SORCS1: variants seen among roughly 807,000 people sequenced by gnomAD.
SORCS1 encodes sortilin related VPS10 domain containing receptor 1.
In SORCS1, 60 loss-of-function variants were observed where a neutral mutation model predicts 146.1. That is an observed-to-expected ratio of 0.41 (90% CI 0.33 to 0.51). The LOEUF is 0.51. Among genes scored for constraint, SORCS1 ranks in the 20% least tolerant of loss-of-function variants. The pLI, the probability that SORCS1 is intolerant of heterozygous loss-of-function variation, is 0.21. For synonymous variants in SORCS1, 637 were observed against 584.0 expected (o/e 1.09, Z -1.31); for missense variants, 1,352 against 1,487.6 (o/e 0.91, Z 1.50).
At chr10:107,173,813 C>A in the SORCS1 span, among the ~76,000 whole-genome samples, 1 of 152,198 alleles carries the variant, frequency 6.6e-6, no homozygotes, top group South Asian at 2.1e-4. Context: ...CTTTTCCTAT[C>A]ATATTGCCAT....
chr10:106,655,531 TC>T (rs1258256275), intron 17 of SORCS1, among the ~76,000 whole-genome samples: 5 of 152,236 alleles, frequency 3.3e-5, no homozygotes, highest in African/African-American at 1.2e-4. Context: ...TAGAGAATAT[TC>T]TTTTGTTTGT....
At position 107,083,138 on chromosome 10, in the gene SORCS1, C is replaced by A. The variant is rs973424726; in HGVS notation, c.558+80831G>T. 2.7e-5 allele frequency among the ~76,000 whole-genome samples: 4 copies of A among 147,064 alleles called. No homozygotes were observed. In the South Asian group the frequency reaches 6.5e-4, roughly 24 times the overall value. On this transcript the variant is annotated intron_variant, in intron 1 of 25. Transcript: ENST00000263054. ...AAAAAAAAAAAAAAAAAAAGAAAGTCAACTGCTTGAATACAGTATTTGAAA... is the reference window on the plus strand; with the variant it reads ...AAAAAAAAAAAAAAAAAAAGAAAGTAAACTGCTTGAATACAGTATTTGAAA...
chr10:106,843,478 G>A (rs1564724677), intron 2 of SORCS1, among the ~76,000 whole-genome samples: 1 of 132,650 alleles, frequency 7.5e-6, no homozygotes, highest in African/African-American at 2.8e-5. Context: ...TGCTCAGGCT[G>A]GAGAGTGCAG....
chr10:107,058,242 C>T (rs1960837951), intron 1 of SORCS1, among the ~76,000 whole-genome samples: 3 of 151,794 alleles, frequency 2.0e-5, no homozygotes, highest in African/African-American at 7.3e-5. Flanking sequence ...GGGGTTTCAC[C>T]GTGTTAGCCA....
chr10:106,995,065 C>A (rs1012932688), intron 1 of SORCS1, among the ~76,000 whole-genome samples: 2 of 152,092 alleles, frequency 1.3e-5, no homozygotes, highest in African/African-American at 2.4e-5. Context: ...GTAATCCCAG[C>A]ACTTTGGGAG....
At chr10:107,110,652 G>T (rs1172196141) in intron 1 of SORCS1, among the ~76,000 whole-genome samples, 2 of 151,490 alleles carry the variant, frequency 1.3e-5, no homozygotes, top group Non-Finnish European at 1.5e-5. Context: ...CTGCATTGGG[G>T]ATTACAATTC....
chr10:107,024,010 C>CT (rs1958272805), intron 1 of SORCS1, among the ~76,000 whole-genome samples: 1 of 151,994 alleles, frequency 6.6e-6, no homozygotes, highest in Non-Finnish European at 1.5e-5. Flanking sequence ...CACGTCTCTA[C>CT]TAAAGACAGA....
chr10:107,165,292 A>AGTGTGTGTGTGTGTGTGTGT (rs3982278), upstream of SORCS1, among the ~76,000 whole-genome samples: 149 of 142,788 alleles, frequency 1.0e-3, 2 homozygotes, highest in African/African-American at 3.2e-3. This position sits in a 1 kb window ranked among gnomAD's most constrained non-coding sequence, Gnocchi z 4.0. Context: ...CTCGTGTGTG[A>AGTGTGTGTGTGTGTGTGTGT]GTGTGTGTGT....
At chr10:106,909,120 G>C (rs138052881) in intron 2 of SORCS1, among the ~76,000 whole-genome samples, 1 of 152,182 alleles carries the variant, frequency 6.6e-6, no homozygotes, top group Non-Finnish European at 1.5e-5. Context: ...TTCACTGGGT[G>C]TGGTATCCTA....
chr10:106,818,066 T>C (rs1331590131), intron 3 of SORCS1, among the ~76,000 whole-genome samples: 1 of 152,242 alleles, frequency 6.6e-6, no homozygotes, highest in Non-Finnish European at 1.5e-5. Flanking sequence ...GTTTCTTTTA[T>C]ATTCACCTTT....
chr10:107,037,477 C>G (rs537413152), intron 1 of SORCS1, among the ~76,000 whole-genome samples: 1 of 152,190 alleles, frequency 6.6e-6, no homozygotes, highest in Non-Finnish European at 1.5e-5. Flanking sequence ...GTTTGCATTT[C>G]TATCTGGCTC....
At chr10:106,669,010 T>C (rs1564838499) in intron 16 of SORCS1, among the ~76,000 whole-genome samples, 1 of 152,112 alleles carries the variant, frequency 6.6e-6, no homozygotes. Flanking sequence ...AATCATGCAG[T>C]GACAGAAATC....
In SORCS1 at chr10:106,775,141, T is replaced by C. The variant is rs143203301; in HGVS notation, c.885+1393A>G. Among the ~76,000 whole-genome samples the C allele has an allele frequency of 3.4e-3, 514 of 152,304 alleles. 2 individuals are homozygous for C. Among genetic ancestry groups the C allele is most frequent in the African/African-American group, 0.012 (485 of 41,566 alleles). On this transcript the variant is annotated intron_variant, in intron 4 of 25. Coordinates refer to ENST00000263054, the MANE Select transcript of SORCS1 (RefSeq NM_052918.5). ...AACTGCAAAGATGCAAAGCTTTTAC[T>C]TAGGCAGGTAAATCTGGTCCTCGCT...
intron 1 of SORCS1, among the ~76,000 whole-genome samples, chr10:107,015,688 A>G (rs1453669481): frequency 2.0e-5 from 3 of 152,306 alleles, no homozygotes; most frequent in East Asian, 3.9e-4. Flanking sequence ...GTCTTCAACA[A>G]TGAGGACAGA....
upstream of SORCS1, among the ~76,000 whole-genome samples, chr10:107,168,705 C>G (rs7082009): frequency 0.25 from 33,525 of 135,800 alleles, 3,934 homozygotes; most frequent in African/African-American, 0.29. Context: ...GCTTATATCA[C>G]ATAAGTACTA....
In SORCS1 at chr10:106,801,687, G is replaced by A. The variant is rs192628233; in HGVS notation, c.727-24995C>T. Among the ~76,000 whole-genome samples, 682 of 151,828 alleles carry A rather than the reference G, an allele frequency of 4.5e-3. 4 individuals carry two copies. The highest frequency in any genetic ancestry group is 0.014 in the East Asian group (73 of 5,154). ...TGGGACTACAGGCGCCCGCCACCAC[G>A]CCCGGCTAATTTTTTTGTATTTTTA... is the stretch of plus-strand genomic sequence containing the variant. On this transcript the variant is annotated intron_variant, in intron 3 of 25. Transcript: ENST00000263054.
intron 3 of SORCS1, among the ~76,000 whole-genome samples, chr10:106,813,095 G>C (rs550815559): frequency 6.6e-6 from 1 of 151,742 alleles, no homozygotes; most frequent in Non-Finnish European, 1.5e-5. Flanking sequence ...GAGTAGGACA[G>C]GCGCATTTCT....
Position 106,976,325 on chromosome 10 carries a change from G to GTTTTTT in SORCS1, c.559-19751_559-19746dup, listed in dbSNP as rs1554901295. Reference sequence around the variant, plus strand: ...CTGCACCTATCAACTCATCATCTAGGTTTTTTTGTTTTTTTTTTTTTTTTG... The same window carrying GTTTTTT: ...CTGCACCTATCAACTCATCATCTAGGTTTTTTTTTTTTTGTTTTTTTTTTTTTTTTG... On this transcript the variant is annotated intron_variant, in intron 1 of 25. Coordinates refer to ENST00000263054, the MANE Select transcript of SORCS1 (RefSeq NM_052918.5). Among the ~76,000 whole-genome samples, 145 of 90,490 alleles carry GTTTTTT rather than the reference G, an allele frequency of 1.6e-3. 3 individuals carry two copies. In the East Asian group the frequency reaches 0.037, roughly 23 times the overall value. 59.4% of individuals were successfully genotyped at this position (90,490 alleles called of 152,430 possible).
chr10:107,072,672 A>G (rs1253129464), intron 1 of SORCS1, among the ~76,000 whole-genome samples: 1 of 151,760 alleles, frequency 6.6e-6, no homozygotes, highest in African/African-American at 2.4e-5. Context: ...GAACACTTGC[A>G]TTATTTGCGT....
Sources: allele counts gnomAD v4.1 joint callset (sites outside exome capture counted in the v4.1 genomes callset), GRCh38; gene constraint gnomAD v4.1.1; non-coding constraint Gnocchi (gnomAD v3.1); transcripts MANE v1.5; gene names NCBI Gene and HGNC (gene_info 2026-07-23, HGNC 2026-07-21).